Variants in RNF38 observed in about 807,000 individuals in gnomAD.
The protein encoded by RNF38 is E3 ubiquitin-protein ligase RNF38.
In RNF38, 15 loss-of-function variants were observed where a neutral mutation model predicts 67.2. That is an observed-to-expected ratio of 0.22 (90% CI 0.15 to 0.34). The LOEUF (loss-of-function observed/expected upper bound fraction) is 0.34. Among genes scored for constraint, RNF38 ranks in the 10% least tolerant of loss-of-function variants. RNF38 has a pLI of 1.00. For synonymous variants in RNF38, 220 were observed against 218.8 expected (o/e 1.01, Z -0.05); for missense variants, 524 against 639.9 (o/e 0.82, Z 1.95).
At chr9:36,369,617 G>A (rs1835225082) in intron 4 of RNF38, 102 bp downstream of exon 4, 4 of 877,548 alleles carry the variant, frequency 4.6e-6, no homozygotes, top group African/African-American at 3.4e-5. Context: ...TTCATTTTAG[G>A]TAAAAACTAA....
intron 2 of RNF38, among the ~76,000 whole-genome samples, chr9:36,418,972 CAAAT>C (rs1838548049): frequency 6.6e-6 from 1 of 151,938 alleles, no homozygotes; most frequent in East Asian, 1.9e-4. Context: ...CAAAAATAAA[CAAAT>C]AAATACTAAA....
chr9:36,405,302 T>C (rs1054913574), upstream of RNF38, among the ~76,000 whole-genome samples: 4 of 152,224 alleles, frequency 2.6e-5, no homozygotes, highest in African/African-American at 9.6e-5. Flanking sequence ...TGTTTGATTT[T>C]ATGAAAAACT....
chr9:36,487,167 G>T, intron 1 of RNF38: 1 of 496,084 alleles, frequency 2.0e-6, no homozygotes, highest in Non-Finnish European at 2.6e-6. Context: ...GGCTCGCAGG[G>T]GCTCCGGGGC....
intron 2 of RNF38, among the ~76,000 whole-genome samples, chr9:36,407,380 C>A (rs527606656): frequency 6.6e-6 from 1 of 152,282 alleles, no homozygotes; most frequent in East Asian, 1.9e-4. Flanking sequence ...GCTGGAATGA[C>A]AGAGGGCAAG....
chr9:36,479,270 C>A (rs1343134511), intron 1 of RNF38, among the ~76,000 whole-genome samples: 1 of 152,170 alleles, frequency 6.6e-6, no homozygotes, highest in Non-Finnish European at 1.5e-5. Context: ...ATCCTCAGAG[C>A]ACAAAGCTTC....
intron 2 of RNF38, among the ~76,000 whole-genome samples, chr9:36,419,747 T>C (rs1426104201): frequency 6.6e-6 from 1 of 151,888 alleles, no homozygotes; most frequent in Non-Finnish European, 1.5e-5. Flanking sequence ...CCCTTGAAGG[T>C]GGGGGCAGAG....
chr9:36,427,658 T>C (rs569345942), intron 1 of RNF38, among the ~76,000 whole-genome samples: 163 of 4,908 alleles, frequency 0.033, no homozygotes, highest in African/African-American at 0.081. Flanking sequence ...TTTCCCAGCC[T>C]CTATCTATCT....
chr9:36,464,820 A>C lies in RNF38; in HGVS notation n.241+22488T>G, dbSNP rs115048448. Among the ~76,000 whole-genome samples, 454 of 152,340 alleles carry C rather than the reference A, an allele frequency of 3.0e-3. 3 individuals carry two copies. The highest frequency in any genetic ancestry group is 0.011 in the African/African-American group (438 of 41,590). Reference sequence around the variant, plus strand: ...ACATTTTTAAAAATCATTTCCAAAAATATGTAATATATAAAGATAACATAA... The same window carrying C: ...ACATTTTTAAAAATCATTTCCAAAACTATGTAATATATAAAGATAACATAA... On this transcript the variant is annotated intron_variant and non_coding_transcript_variant, in intron 1 of 3. Transcript: ENST00000488058.
chr9:36,430,501 G>A (rs1409301934), intron 1 of RNF38, among the ~76,000 whole-genome samples: 2 of 152,174 alleles, frequency 1.3e-5, no homozygotes, highest in African/African-American at 2.4e-5. Context: ...TACTGTGCCT[G>A]GCCTTAATAT....
chr9:36,417,052 G>A (rs938074565), intron 2 of RNF38, among the ~76,000 whole-genome samples: 4 of 152,046 alleles, frequency 2.6e-5, no homozygotes, highest in Admixed American at 2.0e-4. Context: ...GGGAGCCACC[G>A]CGCCTGGCCT....
At chr9:36,441,214 A>G (rs1231970034) in intron 1 of RNF38, among the ~76,000 whole-genome samples, 1 of 152,174 alleles carries the variant, frequency 6.6e-6, no homozygotes, top group South Asian at 2.1e-4. Flanking sequence ...ACTTATTGTG[A>G]CCTTAGCTAT....
chr9:36,369,283 A>G (rs1835197700), intron 4 of RNF38, among the ~76,000 whole-genome samples: 2 of 152,192 alleles, frequency 1.3e-5, no homozygotes, highest in Non-Finnish European at 2.9e-5. Context: ...TCTGCCACCC[A>G]GTGCAGTGGT....
chr9:36,402,791 G>A (rs1156508912), upstream of RNF38, among the ~76,000 whole-genome samples: 1 of 152,156 alleles, frequency 6.6e-6, no homozygotes, highest in Non-Finnish European at 1.5e-5. Context: ...CTCTCAAATG[G>A]TTACGATCTT....
chr9:36,465,868 G>A (rs1210989507), intron 1 of RNF38, among the ~76,000 whole-genome samples: 2 of 152,016 alleles, frequency 1.3e-5, no homozygotes, highest in Non-Finnish European at 2.9e-5. Flanking sequence ...GGCTAACACG[G>A]TGAAACCCCG....
intron 1 of RNF38, among the ~76,000 whole-genome samples, chr9:36,487,128 T>C (rs1237656490): frequency 1.3e-5 from 2 of 152,152 alleles, no homozygotes; most frequent in Admixed American, 1.3e-4. Context: ...GAAAACGCTT[T>C]GTGAGCGCTC....
chr9:36,430,645 A>G (rs1392074928), intron 1 of RNF38, among the ~76,000 whole-genome samples: 1 of 151,934 alleles, frequency 6.6e-6, no homozygotes, highest in African/African-American at 2.4e-5. Flanking sequence ...GATTTGATTG[A>G]TTTTCTTGTG....
intron 1 of RNF38, among the ~76,000 whole-genome samples, chr9:36,459,194 G>A (rs571102241): frequency 4.0e-5 from 6 of 149,338 alleles, no homozygotes; most frequent in Non-Finnish European, 4.4e-5. Flanking sequence ...GTGACAGAGC[G>A]AGACTCTGTC....
chr9:36,415,931 G>A (rs1293481433), intron 2 of RNF38, among the ~76,000 whole-genome samples: 1 of 151,966 alleles, frequency 6.6e-6, no homozygotes, highest in Non-Finnish European at 1.5e-5. Flanking sequence ...GGCTTCAGTT[G>A]GTTGGCCTCC....
chr9:36,359,122 C>T (rs1373732305), intron 4 of RNF38, among the ~76,000 whole-genome samples: 2 of 152,066 alleles, frequency 1.3e-5, no homozygotes, highest in East Asian at 3.9e-4. Flanking sequence ...TGCACCTGGC[C>T]CCATCGATCC....
Sources: gnomAD v4.1 joint callset for allele counts (sites outside exome capture counted in the v4.1 genomes callset) on GRCh38, gnomAD v4.1.1 for gene constraint, MANE v1.5 for transcripts, NCBI Gene and HGNC (gene_info 2026-07-23, HGNC 2026-07-21) for gene names.